MTMR11: variants seen among roughly 807,000 people sequenced by gnomAD.
The protein encoded by MTMR11 is myotubularin-related protein 11.
MTMR11 carries 89 observed loss-of-function variants against 100.0 expected under a neutral mutation model. The observed-to-expected ratio is 0.89, with a 90% CI of 0.75 to 1.06. The LOEUF is 1.06. Among genes scored for constraint, MTMR11 ranks in the 50% least tolerant of loss-of-function variants. The pLI is 0.00. For synonymous variants in MTMR11, 336 were observed against 326.3 expected, an observed-to-expected ratio of 1.03 and a Z score of -0.32; for missense variants, 809 against 873.7, an observed-to-expected ratio of 0.93 and a Z score of 0.93.
rs148064973 is a variant in MTMR11 at position 149,934,612 on chromosome 1, C to G, written c.469-86G>C. The G allele has an allele frequency of 2.2e-4, 304 of 1,372,600 alleles. 5 individuals carry two copies. The East Asian group carries it at 6.2e-3, about 28-fold the overall frequency. The allele number at this position is 1,372,600 out of a possible 1,614,324, so 85.0% of individuals were successfully genotyped here. On this transcript the variant is annotated intron_variant, in intron 5 of 16. Transcript: ENST00000439741. ...TGGAGCCCATGTGTTGCTCCACTCT[C>G]TTTGCCAAGAATGAAGAAGAACAGT...
At chr1:149,931,106 G>T (rs72692818) in intron 13 of MTMR11, 141 bp from the exon 14 acceptor site, 84,913 of 1,332,482 alleles carry the variant, frequency 0.064, 3,142 homozygotes, top group Non-Finnish European at 0.075. Context: ...AGGGTAGCAG[G>T]GGCTTGTAAG....
Position 149,933,888 on chromosome 1 carries a change from T to C in MTMR11, c.738A>G (p.Arg246=). 1 of 1,614,120 alleles carries C rather than the reference T, an allele frequency of 6.2e-7. No homozygotes were observed. Among genetic ancestry groups the C allele is most frequent in the Non-Finnish European group, 8.5e-7 (1 of 1,180,026 alleles). Residue 246 remains arginine, a synonymous_variant, in exon 8 of 17, where the codon AGA becomes AGG. Transcript: ENST00000439741. Reference sequence around the variant, plus strand: ...GGCCCTGATGAAAGTGGCCAAATGCTCTCCTGACCTCACTGTCCAGAATTC... The same window carrying C: ...GGCCCTGATGAAAGTGGCCAAATGCCCTCCTGACCTCACTGTCCAGAATTC... ...PNRILDSEVR[R]AFGHFHQGRG...
chr1:149,935,654 T>G lies in MTMR11; in HGVS notation c.194A>C (p.Glu65Ala). The change falls in exon 3 of 17, where the codon GAA becomes GCA. Residue 65 changes from glutamate to alanine, a missense_variant. By Grantham distance (107) the Glu-to-Ala change is moderately radical. Coordinates refer to ENST00000439741, the MANE Select transcript of MTMR11 (RefSeq NM_001145862.2). ...GGTACAGATCAGGGTTCCAGACAATTCTGGTTCCAGGCCCTTCCTCACCCC... is the reference window on the plus strand; with the variant it reads ...GGTACAGATCAGGGTTCCAGACAATGCTGGTTCCAGGCCCTTCCTCACCCC... ...APGVRKGLEP[E>A]LSGTLICTNF... is the part of the protein sequence containing the mutation. 1 of 1,613,986 alleles carries G rather than the reference T, an allele frequency of 6.2e-7. No homozygotes were observed. The highest frequency in any genetic ancestry group is 8.5e-7 in the Non-Finnish European group (1 of 1,179,952).
rs782217779 is a variant in MTMR11 at position 149,929,888 on chromosome 1, C to G, written c.1676G>C (p.Ser559Thr). 1.2e-6 allele frequency: 2 copies of G among 1,613,424 alleles called. No individual in the cohort carries two copies. The highest frequency in any genetic ancestry group is 2.2e-5 in the East Asian group (1 of 44,868). Residue 559 changes from serine (S) to threonine (T), a missense_variant, in exon 16 of 17, where the codon AGT (serine) becomes ACT (threonine). By Grantham distance (58) the Ser-to-Thr change is moderately conservative (BLOSUM62 1). Transcript: ENST00000439741. ...TCCTCTAGAGAAGAGCCACACAGAA[C>G]TGGGGGGTCCAGGAACCATGAAGCT... ...QPSFMVPGPP[S>T]SVWLFSRGAL... is the part of the protein sequence containing the mutation.
chr1:149,936,191 A>G lies in MTMR11; in HGVS notation c.105T>C (p.Arg35=). 1 of 1,614,068 alleles carries G rather than the reference A, an allele frequency of 6.2e-7. No individual in the cohort carries two copies. The highest frequency in any genetic ancestry group is 8.5e-7 in the Non-Finnish European group (1 of 1,180,008). The part of the protein sequence containing the change: ...QENRMPEPRS[R]QPSSCLASRC... Reference sequence around the variant, plus strand: ...TGGAGGCCAGGCAACTGCTAGGCTGACGACTCCTGGGCTCCGGCATCCTAT... The same window carrying G: ...TGGAGGCCAGGCAACTGCTAGGCTGGCGACTCCTGGGCTCCGGCATCCTAT... Residue 35 remains arginine (R), a synonymous_variant, in exon 2 of 17, where the codon CGT becomes CGC. Coordinates refer to ENST00000439741, the MANE Select transcript of MTMR11 (RefSeq NM_001145862.2).
At chr1:149,932,081 G>T in intron 11 of MTMR11, 67 bp from the exon 12 acceptor site, 2 of 1,485,514 alleles carry the variant, frequency 1.3e-6, no homozygotes, top group Non-Finnish European at 1.9e-6. Context: ...GATTTTGATG[G>T]GTCATGGGAT....
chr1:149,936,367 A>G (rs1364032212), intron 1 of MTMR11, 138 bp from the exon 2 acceptor site: 3 of 1,482,442 alleles, frequency 2.0e-6, no homozygotes, highest in Non-Finnish European at 1.8e-6. Flanking sequence ...CTCCAGACCT[A>G]ACAGGGCTGG....
Position 149,934,210 on chromosome 1 carries a change from T to G in MTMR11, c.664A>C (p.Arg222=), listed in dbSNP as rs1553768410. ...RGWRVSTVNE[R]FDVATSLPRY... The stretch of plus-strand genomic sequence containing the variant: ...GATCACCTGGTGGCTACGTCGAACC[T>G]CTCGTTGACCGTGCTGACCCTCCAG... Residue 222 remains arginine, a synonymous_variant, in exon 7 of 17, where the codon AGG becomes CGG. Coordinates refer to ENST00000439741, the MANE Select transcript of MTMR11 (RefSeq NM_001145862.2). The G allele has an allele frequency of 2.5e-6, 4 of 1,614,084 alleles. No homozygotes were observed. Among genetic ancestry groups the G allele is most frequent in the Non-Finnish European group, 2.5e-6 (3 of 1,180,016 alleles).
At chr1:149,936,326 G>A (rs995308327) in intron 1 of MTMR11, 97 bp from the exon 2 acceptor site, 20 of 1,545,396 alleles carry the variant, frequency 1.3e-5, no homozygotes, top group Middle Eastern at 3.5e-4. Context: ...TCACACTCTC[G>A]GGGGAAACTG....
chr1:149,932,862 A>G (rs2092677832), intron 10 of MTMR11, among the ~76,000 whole-genome samples: 1 of 151,780 alleles, frequency 6.6e-6, no homozygotes, highest in South Asian at 2.1e-4. Flanking sequence ...GAGGCAGGAG[A>G]ATCGCTTGAA....
In MTMR11 at chr1:149,933,501, T is replaced by A. The variant is rs1553768142; in HGVS notation, c.890A>T (p.His297Leu). The A allele has an allele frequency of 6.2e-7, 1 of 1,614,078 alleles. No individual in the cohort carries two copies. The highest frequency in any genetic ancestry group is 1.7e-5 in the Admixed American group (1 of 60,010). Reference sequence around the variant, plus strand: ...AGTGTCTACCAGGACAACATCTGAATGCCCAGCCTGGAGCATCAACTCCAC... The same window carrying A: ...AGTGTCTACCAGGACAACATCTGAAAGCCCAGCCTGGAGCATCAACTCCAC... ...RAVELMLQAG[H>L]SDVVLVDTMD... The change falls in exon 10 of 17, where the codon CAT becomes CTT. Residue 297 changes from histidine (H) to leucine (L), a missense_variant. His to Leu is a moderately conservative substitution (Grantham distance 99). Transcript: ENST00000439741.
intron 1 of MTMR11, 23 bp downstream of exon 1, chr1:149,936,559 C>A (rs1553769303): frequency 6.8e-7 from 1 of 1,479,108 alleles, no homozygotes; most frequent in South Asian, 1.2e-5. Context: ...CTTGCCGACA[C>A]CCCCCAAATT....
chr1:149,930,851 G>A lies in MTMR11; in HGVS notation c.1405C>T (p.Pro469Ser). ...TTTCTCAGGAAGGTAAGGGTGTCAG[G>A]AACCCTGACACTGTCATGAAGAGCA... The part of the protein sequence containing the change: ...LLALHDSVRV[P>S]DTLTFLRNTP... Residue 469 changes from proline (P) to serine (S), a missense_variant, in exon 14 of 17, where the codon CCT (proline) becomes TCT (serine). Physicochemically the swap from Pro to Ser is moderately conservative, Grantham distance 74. Transcript: ENST00000439741. 1 of 1,611,372 alleles carries A rather than the reference G, an allele frequency of 6.2e-7. No homozygotes were observed. Among genetic ancestry groups the A allele is most frequent in the South Asian group, 1.1e-5 (1 of 90,510 alleles).
Position 149,929,150 on chromosome 1 carries a change from C to T in MTMR11, c.2109G>A (p.Arg703=), listed in dbSNP as rs2092620708. The change falls in exon 17 of 17, where the codon AGG becomes AGA. Residue 703 remains arginine, a synonymous_variant. Coordinates refer to ENST00000439741, the MANE Select transcript of MTMR11 (RefSeq NM_001145862.2). ...TCCTCTACCCCAGATCCCCCTCTGC[C>T]CTGCCTTTGAGAATGCCAGCAATTT... The part of the protein sequence containing the change: ...PTEIAGILKG[R]AEGDLG The T allele has an allele frequency of 6.2e-7, 1 of 1,613,642 alleles. No homozygotes were observed. The highest frequency in any genetic ancestry group is 8.5e-7 in the Non-Finnish European group (1 of 1,179,818).
rs781809285 is a variant in MTMR11 at position 149,930,558 on chromosome 1, G to C, written c.1465-11C>G. 3 of 1,599,904 alleles carry C rather than the reference G, an allele frequency of 1.9e-6. No individual in the cohort carries two copies. Among genetic ancestry groups the C allele is most frequent in the Admixed American group, 1.7e-5 (1 of 58,286 alleles). ...TGTATAGGAGTTTAACTGGACAGAG[G>C]AAGCAAGAAAAAGGATGGTTACACA... On this transcript the variant is annotated splice_polypyrimidine_tract_variant and intron_variant, in intron 14 of 16. Transcript: ENST00000439741.
rs144192729 is a variant in MTMR11 at position 149,930,918 on chromosome 1, C to T, written c.1338G>A (p.Gln446=). Residue 446 remains glutamine (Q), a synonymous_variant, in exon 14 of 17, where the codon CAG becomes CAA. Transcript: ENST00000439741. ...AGAATTCAAAATCAGCTGGAAACTGCTGGAGGAGCTGCCAGACACAATCAA... is the reference window on the plus strand; with the variant it reads ...AGAATTCAAAATCAGCTGGAAACTGTTGGAGGAGCTGCCAGACACAATCAA... ...LFLDCVWQLL[Q]QFPADFEFSE... 196 of 1,612,424 alleles carry T rather than the reference C, an allele frequency of 1.2e-4. No individual in the cohort carries two copies. The highest frequency in any genetic ancestry group is 1.6e-4 in the Non-Finnish European group (190 of 1,179,520).
rs1404871511 is a variant in MTMR11, at chr1:149,929,779, A to G, written c.1785T>C (p.Pro595=). 1.2e-6 allele frequency: 2 copies of G among 1,614,108 alleles called. No individual in the cohort carries two copies. The highest frequency in any genetic ancestry group is 2.7e-5 in the African/African-American group (2 of 74,936). The change falls in exon 16 of 17, where the codon CCT becomes CCC. Residue 595 remains proline (P), a synonymous_variant. Coordinates refer to ENST00000439741, the MANE Select transcript of MTMR11 (RefSeq NM_001145862.2). The part of the protein sequence containing the change: ...LAVSSRWLPR[P]AISSESLADQ... Reference sequence around the variant, plus strand: ...CAGCCAGGCTTTCAGAGGAGATAGCAGGTCGAGGGAGCCAACGAGAAGAGA... The same window carrying G: ...CAGCCAGGCTTTCAGAGGAGATAGCGGGTCGAGGGAGCCAACGAGAAGAGA...
intron 16 of MTMR11, 36 bp from the exon 17 acceptor site, chr1:149,929,353 T>C (rs782536495): frequency 4.5e-6 from 7 of 1,564,080 alleles, no homozygotes; most frequent in African/African-American, 4.1e-5. Context: ...AGAAGAATAC[T>C]GTTGTAGCTC....
rs1553769347 is a variant in MTMR11, at chr1:149,936,666, G to T, written c.-19C>A. ...ACCACATTTCTCTGGCTCCATCCGG[G>T]GACACAGCAGTTAAGGGTGGGAAAC... On this transcript the variant is annotated 5_prime_UTR_variant, in exon 1 of 17. Transcript: ENST00000439741. 1 of 1,512,490 alleles carries T rather than the reference G, an allele frequency of 6.6e-7. No individual in the cohort carries two copies. The highest frequency in any genetic ancestry group is 1.2e-5 in the South Asian group (1 of 83,276). 93.7% of individuals were successfully genotyped at this position (1,512,490 alleles called of 1,614,324 possible).
Sources: gnomAD v4.1 joint callset for allele counts (sites outside exome capture counted in the v4.1 genomes callset) on GRCh38, gnomAD v4.1.1 for gene constraint, MANE v1.5 for transcripts, NCBI Gene and HGNC (gene_info 2026-07-23, HGNC 2026-07-21) for gene names.